MTUS1: variants seen among roughly 807,000 people sequenced by gnomAD.
The protein encoded by MTUS1 is microtubule associated scaffold protein 1, also known as microtubule-associated tumor suppressor 1.
In MTUS1, 109 loss-of-function variants were observed where a neutral mutation model predicts 120.8. The observed-to-expected ratio is 0.90, with a 90% CI of 0.77 to 1.06. The LOEUF is 1.06. Ranked by LOEUF, MTUS1 falls within the 50% of genes least tolerant of loss-of-function variation. The pLI is 0.00. For missense variants in MTUS1, 2,210 were observed against 1,486.3 expected (o/e 1.49, Z -8.01); for synonymous variants, 737 against 550.5 (o/e 1.34, Z -4.74).
intron 1 of MTUS1, among the ~76,000 whole-genome samples, chr8:17,759,119 G>T (rs1202311641): frequency 6.6e-6 from 1 of 152,102 alleles, no homozygotes; most frequent in Non-Finnish European, 1.5e-5. Context: ...CTGACCTCGT[G>T]ATCCGCCCGC....
chr8:17,652,382 C>T (rs1563565054), intron 12 of MTUS1, among the ~76,000 whole-genome samples: 2 of 152,138 alleles, frequency 1.3e-5, no homozygotes. Context: ...TAAACGACGC[C>T]AGTCTTAAAA....
intron 4 of MTUS1, chr8:17,721,654 A>C: frequency 1.6e-5 from 24 of 1,506,264 alleles, no homozygotes; most frequent in Non-Finnish European, 2.1e-5. Flanking sequence ...AAATCAATTT[A>C]TTGAATAAAA....
intron 6 of MTUS1, among the ~76,000 whole-genome samples, chr8:17,688,101 G>C (rs1202872971): frequency 6.6e-6 from 1 of 152,196 alleles, no homozygotes; most frequent in Non-Finnish European, 1.5e-5. Flanking sequence ...TCAAGTTAGA[G>C]ACCAGACCTA....
intron 8 of MTUS1, among the ~76,000 whole-genome samples, chr8:17,673,553 G>C (rs546031644): frequency 6.6e-6 from 1 of 152,296 alleles, no homozygotes; most frequent in African/African-American, 2.4e-5. Context: ...CTGGGCTCAA[G>C]CAATCTTCCC....
At chr8:17,666,763 A>T (rs1563165054) in intron 8 of MTUS1, among the ~76,000 whole-genome samples, 1 of 152,244 alleles carries the variant, frequency 6.6e-6, no homozygotes, top group African/African-American at 2.4e-5. Flanking sequence ...TCAACACAAC[A>T]TCTTTTTAGA....
intron 6 of MTUS1, among the ~76,000 whole-genome samples, chr8:17,685,403 T>C (rs758700059): frequency 3.3e-5 from 5 of 152,066 alleles, no homozygotes; most frequent in African/African-American, 9.7e-5. Flanking sequence ...AGGACATCAA[T>C]TGCTTAGGTT....
At chr8:17,711,118 C>T (rs953459486) in intron 6 of MTUS1, among the ~76,000 whole-genome samples, 2 of 152,078 alleles carry the variant, frequency 1.3e-5, no homozygotes, top group Non-Finnish European at 2.9e-5. Flanking sequence ...TTCTTAAGGG[C>T]CCTAGAATTT....
rs2047034557 is a variant in MTUS1 at position 17,737,756 on chromosome 8, GGA to G, written c.2287+5846_2287+5847del. Reference sequence around the variant, plus strand: ...CCCACTTCATCCTCCCTAATTCCTGGGATCACAGATGTGAGCCACCATGTCCG... The same window carrying G: ...CCCACTTCATCCTCCCTAATTCCTGGTCACAGATGTGAGCCACCATGTCCG... On this transcript the variant is annotated intron_variant, in intron 3 of 14. Coordinates refer to ENST00000693296, the MANE Select transcript of MTUS1 (RefSeq NM_001363059.2). Among the ~76,000 whole-genome samples, 4 of 152,164 alleles carry G rather than the reference GGA, an allele frequency of 2.6e-5. No individual in the cohort carries two copies. The South Asian group carries it at 8.3e-4, about 32-fold the overall frequency.
chr8:17,650,638 G>C (rs979398299), intron 12 of MTUS1, among the ~76,000 whole-genome samples: 1 of 152,150 alleles, frequency 6.6e-6, no homozygotes, highest in African/African-American at 2.4e-5. Flanking sequence ...TGAGCCAGGA[G>C]GTCAAGGCTG....
chr8:17,666,071 G>A (rs143075285), intron 8 of MTUS1, among the ~76,000 whole-genome samples: 3 of 143,748 alleles, frequency 2.1e-5, no homozygotes, highest in Non-Finnish European at 4.5e-5. Flanking sequence ...TCACTGGCCA[G>A]CATGCTGCAG....
At chr8:17,702,010 A>C (rs1819196918) in intron 6 of MTUS1, among the ~76,000 whole-genome samples, 1 of 152,304 alleles carries the variant, frequency 6.6e-6, no homozygotes, top group African/African-American at 2.4e-5. Context: ...TGGCTTCAAA[A>C]ATGTCTTTAA....
intron 7 of MTUS1, 109 bp from the exon 8 acceptor site, chr8:17,675,361 T>A (rs935394317): frequency 2.4e-6 from 2 of 848,616 alleles, no homozygotes; most frequent in African/African-American, 1.7e-5. Context: ...GAAGCCAAGA[T>A]ATGAATCATT....
intron 1 of MTUS1, among the ~76,000 whole-genome samples, chr8:17,790,106 T>C (rs1253054878): frequency 1.3e-5 from 2 of 152,074 alleles, no homozygotes; most frequent in African/African-American, 4.8e-5. Context: ...CCCAGCACTT[T>C]GGGAGGTTGA....
In MTUS1 at chr8:17,743,654, C is replaced by G. The variant is rs2047509146; in HGVS notation, c.2237G>C (p.Ser746Thr). The G allele has an allele frequency of 6.2e-7, 1 of 1,614,146 alleles. No homozygotes were observed. Among genetic ancestry groups the G allele is most frequent in the Admixed American group, 1.7e-5 (1 of 60,018 alleles). ...LRRNSDNRNP[S>T]ADRAVSPQRI... ...CTGAGGAGATACGGCTCGATCAGCA[C>G]TGGGATTTCTATTGTCACTGTTCCG... The change falls in exon 3 of 15, where the codon AGT becomes ACT. Residue 746 changes from serine to threonine, a missense_variant. Ser to Thr is a moderately conservative substitution (Grantham distance 58). Coordinates refer to ENST00000693296, the MANE Select transcript of MTUS1 (RefSeq NM_001363059.2).
intron 7 of MTUS1, among the ~76,000 whole-genome samples, chr8:17,683,477 T>A (rs979772863): frequency 6.6e-6 from 1 of 152,142 alleles, no homozygotes. Context: ...TGCTTTTAAT[T>A]TTTATTTTTT....
chr8:17,724,735 G>A (rs1357680101), intron 3 of MTUS1, among the ~76,000 whole-genome samples: 3 of 152,080 alleles, frequency 2.0e-5, no homozygotes, highest in South Asian at 4.1e-4. Context: ...CCCTCCTCAT[G>A]CCCATTCTCT....
chr8:17,734,368 G>A (rs1040133615), intron 3 of MTUS1: 3 of 152,182 alleles, frequency 2.0e-5, no homozygotes, highest in African/African-American at 7.2e-5. Flanking sequence ...TTAAATTCAA[G>A]GGTAAGCTCC....
chr8:17,753,021 C>A (rs17125246), intron 2 of MTUS1, among the ~76,000 whole-genome samples: 9 of 152,140 alleles, frequency 5.9e-5, no homozygotes, highest in Admixed American at 1.3e-4. Context: ...CTCTCTAGGT[C>A]CCCCCCAAAT....
At chr8:17,764,402 C>CAAAA (rs11400332) in intron 1 of MTUS1, among the ~76,000 whole-genome samples, 6 of 138,274 alleles carry the variant, frequency 4.3e-5, no homozygotes, top group African/African-American at 5.4e-5. Flanking sequence ...AAGAAAACTG[C>CAAAA]AAAAAAAAAA....
Sources: gnomAD v4.1 joint callset for allele counts (sites outside exome capture counted in the v4.1 genomes callset) on GRCh38, gnomAD v4.1.1 for gene constraint, MANE v1.5 for transcripts, NCBI Gene and HGNC (gene_info 2026-07-23, HGNC 2026-07-21) for gene names.